RAB5A: variants seen among roughly 807,000 people sequenced by gnomAD.
The protein encoded by RAB5A is ras-related protein Rab-5A.
In RAB5A, 8 loss-of-function variants were observed where a neutral mutation model predicts 25.7. That is an observed-to-expected ratio of 0.31 (90% CI 0.18 to 0.56). The LOEUF is 0.56. RAB5A is among the 20% of genes least tolerant of loss of function. The pLI, the probability that RAB5A is intolerant of heterozygous loss-of-function variation, is 0.91. For missense variants in RAB5A, 192 were observed against 259.7 expected (o/e 0.74, Z 1.79); for synonymous variants, 98 against 89.8 (o/e 1.09, Z -0.52).
chr3:19,950,939 C>T lies in RAB5A; in HGVS notation c.41C>T (p.Thr14Met), dbSNP rs1160737451. 5 of 1,613,510 alleles carry T rather than the reference C, an allele frequency of 3.1e-6. No homozygotes were observed. The highest frequency in any genetic ancestry group is 1.3e-5 in the African/African-American group (1 of 74,888). Residue 14 changes from threonine to methionine, a missense_variant, in exon 2 of 6, where the codon ACG becomes ATG. Physicochemically the swap from Thr to Met is moderately conservative, Grantham distance 81. Around this residue, in one of 3 missense-constraint regions of RAB5A, gnomAD observed 32 missense variants for 32.4 expected, o/e 0.99. Transcript: ENST00000273047. ...GCAACAAGACCCAACGGGCCAAATA[C>T]GGGAAATAAAATATGCCAGTTCAAA... is the stretch of plus-strand genomic sequence containing the variant. ...RGATRPNGPN[T>M]GNKICQFKLV...
At chr3:19,977,441 G>A (rs1055127141) in intron 4 of RAB5A, among the ~76,000 whole-genome samples, 4 of 152,128 alleles carry the variant, frequency 2.6e-5, no homozygotes, top group Admixed American at 2.0e-4. Flanking sequence ...GGGCGGTTGT[G>A]GCTGTTCTGT....
At position 19,975,741 on chromosome 3, in the gene RAB5A, A is replaced by T; in HGVS notation, c.304A>T (p.Ile102Phe). Residue 102 changes from isoleucine (I) to phenylalanine (F), a missense_variant, in exon 3 of 6, where the codon ATC (isoleucine) becomes TTC (phenylalanine). By Grantham distance (21) the Ile-to-Phe change is conservative (BLOSUM62 0). Transcript: ENST00000273047. Reference sequence around the variant, plus strand: ...ACAAGCAGCCATAGTTGTATATGATATCACAAATGAGGTAAGTATGGATGC... The same window carrying T: ...ACAAGCAGCCATAGTTGTATATGATTTCACAAATGAGGTAAGTATGGATGC... ...GAQAAIVVYDITNEESFARAK... is the reference protein window; with the variant it reads ...GAQAAIVVYDFTNEESFARAK... The T allele has an allele frequency of 6.2e-7, 1 of 1,611,252 alleles. No individual in the cohort carries two copies.
chr3:19,974,329 A>G (rs142201461), intron 2 of RAB5A, among the ~76,000 whole-genome samples: 22 of 151,996 alleles, frequency 1.4e-4, no homozygotes, highest in African/African-American at 5.3e-4. Context: ...TAATTTTTGT[A>G]TTTTTAGTAG....
intron 2 of RAB5A, among the ~76,000 whole-genome samples, chr3:19,954,944 G>T (rs1696478145): frequency 6.6e-6 from 1 of 152,112 alleles, no homozygotes. Flanking sequence ...TGTTTGTATG[G>T]GTTTAAAGTT....
In RAB5A at chr3:19,955,884, G is replaced by A. The variant is rs929707406; in HGVS notation, c.163+4823G>A. On this transcript the variant is annotated intron_variant, in intron 2 of 5. Coordinates refer to ENST00000273047, the MANE Select transcript of RAB5A (RefSeq NM_004162.5). ...TGCACTCCAGCCTGGGTGTCTCAGC[G>A]AGACTCCGTCTTAAAAAAAAAATTG... is the stretch of plus-strand genomic sequence containing the variant. Among the ~76,000 whole-genome samples, 5 of 151,992 alleles carry A rather than the reference G, an allele frequency of 3.3e-5. No homozygotes were observed. The East Asian group carries it at 5.8e-4, about 18-fold the overall frequency.
chr3:19,947,508 T>C lies in RAB5A; in HGVS notation c.-107T>C, dbSNP rs963883319. 6.5e-6 allele frequency: 1 copy of C among 152,738 alleles called. No individual in the cohort carries two copies. The highest frequency in any genetic ancestry group is 2.4e-5 in the African/African-American group (1 of 41,448). The allele number at this position is 152,738 out of a possible 1,614,324, so 9.5% of individuals were successfully genotyped here. On this transcript the variant is annotated 5_prime_UTR_variant, in exon 1 of 6. Transcript: ENST00000273047. ...GAAGCTTCGGCCCCGCAGCTCGGCT[T>C]GCTGCGGTCTCAGGTAACCGAACCG...
intron 2 of RAB5A, among the ~76,000 whole-genome samples, chr3:19,966,890 ACCT>A (rs1366571155): frequency 4.6e-5 from 7 of 151,694 alleles, no homozygotes; most frequent in African/African-American, 7.3e-5. Context: ...CTGCAGCCTG[ACCT>A]CCTGAGCTCA....
At chr3:19,951,772 A>C (rs993932417) in intron 2 of RAB5A, among the ~76,000 whole-genome samples, 3 of 143,244 alleles carry the variant, frequency 2.1e-5, no homozygotes, top group African/African-American at 8.0e-5. Context: ...CCTGGCCTCA[A>C]GTGAGCCTCC....
At chr3:19,966,061 G>T (rs1177810998) in intron 2 of RAB5A, among the ~76,000 whole-genome samples, 1 of 152,090 alleles carries the variant, frequency 6.6e-6, no homozygotes, top group East Asian at 1.9e-4. Flanking sequence ...TAAAATATCC[G>T]TAACACAAAA....
At chr3:19,968,839 T>C (rs145020334) in intron 2 of RAB5A, among the ~76,000 whole-genome samples, 28 of 152,322 alleles carry the variant, frequency 1.8e-4, no homozygotes, top group African/African-American at 6.7e-4. Flanking sequence ...TTAAATTCTT[T>C]GAGCATAAAA....
chr3:19,957,256 A>G (rs1388726591), intron 2 of RAB5A, among the ~76,000 whole-genome samples: 1 of 152,090 alleles, frequency 6.6e-6, no homozygotes, highest in Non-Finnish European at 1.5e-5. Context: ...GAAGTTTCTC[A>G]GAGGGAGAAA....
At chr3:19,957,547 C>T (rs919761911) in intron 2 of RAB5A, among the ~76,000 whole-genome samples, 2 of 150,580 alleles carry the variant, frequency 1.3e-5, no homozygotes, top group Non-Finnish European at 2.9e-5. Flanking sequence ...CCTGTAATTC[C>T]AGCTACTCGG....
At chr3:19,975,478 A>G (rs927439828) in intron 2 of RAB5A, 123 bp from the exon 3 acceptor site, 1 of 860,788 alleles carries the variant, frequency 1.2e-6, no homozygotes, top group Non-Finnish European at 1.7e-6. Context: ...CTGACACATA[A>G]TAGTTGTACA....
intron 2 of RAB5A, among the ~76,000 whole-genome samples, chr3:19,954,693 C>T (rs931384872): frequency 5.9e-5 from 9 of 152,074 alleles, no homozygotes; most frequent in Non-Finnish European, 1.3e-4. Flanking sequence ...TGGCACACAC[C>T]TGTAGTCCCA....
intron 2 of RAB5A, among the ~76,000 whole-genome samples, chr3:19,957,118 A>G (rs1002613780): frequency 2.1e-5 from 3 of 144,916 alleles, no homozygotes; most frequent in African/African-American, 8.6e-5. Flanking sequence ...TTGTAGGGAC[A>G]GATCTCACTG....
At chr3:19,968,593 GTACTA>G (rs1446861869) in intron 2 of RAB5A, among the ~76,000 whole-genome samples, 1 of 152,074 alleles carries the variant, frequency 6.6e-6, no homozygotes, top group Non-Finnish European at 1.5e-5. Flanking sequence ...TGAGTAGGTG[GTACTA>G]CAGGCACGTG....
Position 19,951,054 on chromosome 3 carries a change from C to T in RAB5A, c.156C>T (p.Thr52=), listed in dbSNP as rs781375870. 84 of 1,611,158 alleles carry T rather than the reference C, an allele frequency of 5.2e-5. No homozygotes were observed. The highest frequency in any genetic ancestry group is 7.0e-5 in the Non-Finnish European group (83 of 1,178,944). Residue 52 remains threonine (T), a synonymous_variant, in exon 2 of 6, where the codon ACC becomes ACT. Transcript: ENST00000273047. ...AATTTCATGAATTTCAAGAGAGTAC[C>T]ATTGGGGGTGAGATTTTCTTTTTTC... is the stretch of plus-strand genomic sequence containing the variant. The part of the protein sequence containing the change: ...KGQFHEFQES[T]IGAAFLTQTV...
intron 4 of RAB5A, among the ~76,000 whole-genome samples, chr3:19,976,949 TAAAA>T (rs1215045987): frequency 6.6e-6 from 1 of 152,030 alleles, no homozygotes; most frequent in South Asian, 2.1e-4. Context: ...AACTAATAAT[TAAAA>T]AAAATTTTTT....
chr3:19,984,621 CT>C lies in RAB5A; in HGVS notation c.*802del. On this transcript the variant is annotated 3_prime_UTR_variant, in exon 6 of 6. Transcript: ENST00000273047. ...TTTGTTGTTTGGGGTGGGGAGGGGG[CT>C]TTTGTTCCCTTTTGACATAATATAG... 1 of 161,570 alleles carries C rather than the reference CT, an allele frequency of 6.2e-6. No individual in the cohort carries two copies. The highest frequency in any genetic ancestry group is 1.7e-4 in the South Asian group (1 of 5,982). 10.0% of individuals were successfully genotyped at this position (161,570 alleles called of 1,614,324 possible). A position where few individuals can be genotyped will look rare whatever the true frequency, so the allele number is the denominator to read the frequency against.
Sources: gnomAD v4.1 joint callset for allele counts (sites outside exome capture counted in the v4.1 genomes callset) on GRCh38, gnomAD v4.1.1 for gene constraint, gnomAD v4.1.1 regional missense constraint, MANE v1.5 for transcripts, NCBI Gene and HGNC (gene_info 2026-07-23, HGNC 2026-07-21) for gene names.